CSMD1: variants seen among roughly 807,000 people sequenced by gnomAD.
The protein encoded by CSMD1 is CUB and Sushi multiple domains 1, also known as CUB and sushi domain-containing protein 1.
In CSMD1, 213 loss-of-function variants were observed where a neutral mutation model predicts 417.5. The observed-to-expected ratio is 0.51, with a 90% CI of 0.46 to 0.57. The LOEUF is 0.57. Ranked by LOEUF, CSMD1 falls within the 20% of genes least tolerant of loss-of-function variation. The pLI is 0.00. For missense variants in CSMD1, 6,923 were observed against 4,529.7 expected, an observed-to-expected ratio of 1.53 and a Z score of -15.17; for synonymous variants, 2,862 against 1,736.8, an observed-to-expected ratio of 1.65 and a Z score of -16.11.
chr8:3,695,210 C>A (rs1800483744), intron 7 of CSMD1, among the ~76,000 whole-genome samples: 1 of 151,790 alleles, frequency 6.6e-6, no homozygotes, highest in South Asian at 2.1e-4. Context: ...CCAGGTTTAT[C>A]TTATAGATGC....
intron 1 of CSMD1, among the ~76,000 whole-genome samples, chr8:4,749,055 CGTGT>C (rs747026933): frequency 1.8e-3 from 184 of 105,084 alleles, no homozygotes; most frequent in Admixed American, 2.2e-3. Context: ...TGCCTGTGTG[CGTGT>C]GTGTGTGTGT....
At chr8:4,382,962 G>T (rs891719951) in intron 3 of CSMD1, among the ~76,000 whole-genome samples, 10 of 152,156 alleles carry the variant, frequency 6.6e-5, no homozygotes, top group East Asian at 1.9e-4. Context: ...ATATACAGGG[G>T]ATGACAAAGA....
At chr8:4,042,479 G>C (rs1163773802) in intron 3 of CSMD1, among the ~76,000 whole-genome samples, 1 of 151,974 alleles carries the variant, frequency 6.6e-6, no homozygotes. Flanking sequence ...ACAGGGTAGA[G>C]AAACAAGTTC....
At chr8:4,805,679 C>A (rs2164907) in intron 1 of CSMD1, among the ~76,000 whole-genome samples, 9,434 of 152,214 alleles carry the variant, frequency 0.062, 495 homozygotes, top group East Asian at 0.23. Context: ...AAATAAAATA[C>A]TTTGCATGCA....
At chr8:3,624,053 G>A (rs1796381771) in intron 7 of CSMD1, among the ~76,000 whole-genome samples, 2 of 151,994 alleles carry the variant, frequency 1.3e-5, no homozygotes, top group East Asian at 3.9e-4. Context: ...GCGTTGAAGG[G>A]CTTTGTAAAC....
intron 1 of CSMD1, among the ~76,000 whole-genome samples, chr8:4,959,612 C>G (rs145216408): frequency 1.1e-3 from 174 of 152,372 alleles, no homozygotes; most frequent in African/African-American, 4.0e-3. Flanking sequence ...AGCAGGCTTC[C>G]TGGCTTCCAG....
At chr8:3,210,462 A>G (rs1284026651) in intron 30 of CSMD1, among the ~76,000 whole-genome samples, 5 of 149,364 alleles carry the variant, frequency 3.3e-5, no homozygotes, top group Non-Finnish European at 7.4e-5. Context: ...ACCTATATAT[A>G]TATAGGAATA....
intron 7 of CSMD1, among the ~76,000 whole-genome samples, chr8:3,623,427 G>T (rs1488495045): frequency 6.6e-6 from 1 of 152,148 alleles, no homozygotes; most frequent in African/African-American, 2.4e-5. Context: ...AGAAGTATAA[G>T]CAACGACATC....
chr8:3,873,904 G>T (rs957470098), intron 5 of CSMD1, among the ~76,000 whole-genome samples: 1 of 152,150 alleles, frequency 6.6e-6, no homozygotes, highest in Non-Finnish European at 1.5e-5. Flanking sequence ...GGAGGTCACT[G>T]ATCTTGGAGA....
At chr8:4,104,552 C>T (rs1044192408) in intron 3 of CSMD1, among the ~76,000 whole-genome samples, 14 of 152,204 alleles carry the variant, frequency 9.2e-5, no homozygotes, top group African/African-American at 3.4e-4. Flanking sequence ...TTTTCAAAGC[C>T]ACTTTTCTGT....
intron 2 of CSMD1, among the ~76,000 whole-genome samples, chr8:4,624,864 G>C (rs778969994): frequency 1.1e-4 from 17 of 152,046 alleles, no homozygotes; most frequent in Non-Finnish European, 2.2e-4. Context: ...AATTACATTC[G>C]TTTCCATTCG....
intron 1 of CSMD1, among the ~76,000 whole-genome samples, chr8:4,833,988 G>A (rs1256732711): frequency 6.6e-6 from 1 of 152,158 alleles, no homozygotes; most frequent in African/African-American, 2.4e-5. Context: ...GTCTCTCACA[G>A]GACCCCATTT....
chr8:3,374,957 GCAGTTGAAGCACGCAGA>G (rs1262573032), intron 18 of CSMD1, among the ~76,000 whole-genome samples: 1 of 152,146 alleles, frequency 6.6e-6, no homozygotes, highest in Non-Finnish European at 1.5e-5. Context: ...GAGGAGGGCG[GCAGTTGAAGCACGCAGA>G]CAATTTCACA....
intron 2 of CSMD1, among the ~76,000 whole-genome samples, chr8:4,635,472 G>A (rs1802766871): frequency 6.6e-6 from 1 of 152,110 alleles, no homozygotes; most frequent in South Asian, 2.1e-4. Context: ...ATTAAGACAG[G>A]TTTTCTATAT....
At chr8:4,063,925 C>G (rs1277237935) in intron 3 of CSMD1, among the ~76,000 whole-genome samples, 1 of 152,112 alleles carries the variant, frequency 6.6e-6, no homozygotes, top group East Asian at 1.9e-4. Flanking sequence ...GATAAATCAT[C>G]TTTCATCCAG....
intron 68 of CSMD1, among the ~76,000 whole-genome samples, chr8:2,947,507 T>C (rs1039870570): frequency 4.7e-4 from 71 of 152,274 alleles, no homozygotes; most frequent in African/African-American, 1.5e-3. Context: ...CATCATCACA[T>C]GAGAATAAAA....
intron 5 of CSMD1, among the ~76,000 whole-genome samples, chr8:3,754,271 A>G (rs1469329819): frequency 1.3e-5 from 2 of 152,164 alleles, no homozygotes; most frequent in Admixed American, 6.5e-5. Flanking sequence ...AAAATATTTG[A>G]TACTTTCATT....
chr8:3,060,337 G>C (rs893760996), intron 49 of CSMD1, among the ~76,000 whole-genome samples: 12 of 151,728 alleles, frequency 7.9e-5, no homozygotes, highest in African/African-American at 1.7e-4. Flanking sequence ...GTACAGACAG[G>C]GTTTCACCAT....
rs930473270 is a variant in CSMD1, at chr8:3,091,057, A to AAT, written c.7285+457_7285+458dup. ...TATTATGTATATGGTTATTTGTACAAATATATATATACACATATATGTAGT... is the reference window on the plus strand; with the variant it reads ...TATTATGTATATGGTTATTTGTACAAATATATATATATACACATATATGTAGT... On this transcript the variant is annotated intron_variant, in intron 48 of 69. Transcript: ENST00000635120. Among the ~76,000 whole-genome samples, 64 of 152,006 alleles carry AAT rather than the reference A, an allele frequency of 4.2e-4. 1 individual carries two copies. Among genetic ancestry groups the AAT allele is most frequent in the African/African-American group, 6.5e-4 (27 of 41,534 alleles).
Sources: allele counts gnomAD v4.1 joint callset (sites outside exome capture counted in the v4.1 genomes callset), GRCh38; gene constraint gnomAD v4.1.1; transcripts MANE v1.5; gene names NCBI Gene and HGNC (gene_info 2026-07-23, HGNC 2026-07-21).